The following NUFIP2 variants were observed in gnomAD, a reference collection of about 807,000 sequenced individuals.
NUFIP2 encodes nuclear FMR1 interacting protein 2.
In NUFIP2, 6 loss-of-function variants were observed where a neutral mutation model predicts 56.9. The observed-to-expected ratio is 0.11, with a 90% CI of 0.06 to 0.21. NUFIP2 has a LOEUF of 0.21. Ranked by LOEUF, NUFIP2 falls within the 10% of genes least tolerant of loss-of-function variation. The pLI, the probability that NUFIP2 is intolerant of heterozygous loss-of-function variation, is 1.00. For missense variants in NUFIP2, 828 were observed against 826.8 expected (o/e 1.00, Z -0.02); for synonymous variants, 321 against 298.2 (o/e 1.08, Z -0.79).
Position 29,267,483 on chromosome 17 carries a change from T to C in NUFIP2, c.2035+15A>G. ...TACTTATTAGTGACATTTTAAGTAA[T>C]CTAATCATTCTTACCTTGCTTCTGC... On this transcript the variant is annotated intron_variant, in intron 3 of 3. Transcript: ENST00000225388. 6.9e-7 allele frequency: 1 copy of C among 1,441,182 alleles called. No individual in the cohort carries two copies. The highest frequency in any genetic ancestry group is 9.6e-7 in the Non-Finnish European group (1 of 1,038,338). The allele number at this position is 1,441,182 out of a possible 1,614,324, so 89.3% of individuals were successfully genotyped here.
In NUFIP2 at chr17:29,260,834, C is replaced by T. The variant is rs1334943990; in HGVS notation, c.*3705G>A. On this transcript the variant is annotated 3_prime_UTR_variant, in exon 4 of 4. Transcript: ENST00000225388. ...TAGGTAAGCAGATGATTAAGGAGGA[C>T]AACAAAATTCTAAAATGGAGAAACT... 3 of 151,702 alleles carry T rather than the reference C, an allele frequency of 2.0e-5. No homozygotes were observed. The highest frequency in any genetic ancestry group is 3.9e-4 in the East Asian group (2 of 5,186). The allele number at this position is 151,702 out of a possible 1,614,324, so 9.4% of individuals were successfully genotyped here.
chr17:29,292,820 C>T (rs577801879), intron 1 of NUFIP2, among the ~76,000 whole-genome samples: 1 of 148,978 alleles, frequency 6.7e-6, no homozygotes, highest in African/African-American at 2.4e-5. Flanking sequence ...CCCCGCCCCT[C>T]ACCCCAGGGA....
intron 1 of NUFIP2, among the ~76,000 whole-genome samples, chr17:29,292,670 G>A (rs1241714332): frequency 6.8e-6 from 1 of 147,106 alleles, no homozygotes; most frequent in East Asian, 2.0e-4. Context: ...TTCCCTCTCA[G>A]CTCCGCTTCG....
chr17:29,262,612 A>G lies in NUFIP2; in HGVS notation c.*1927T>C, dbSNP rs1011343292. 1 of 152,378 alleles carries G rather than the reference A, an allele frequency of 6.6e-6. No individual in the cohort carries two copies. Among genetic ancestry groups the G allele is most frequent in the Non-Finnish European group, 1.5e-5 (1 of 67,966 alleles). 9.4% of individuals were successfully genotyped at this position (152,378 alleles called of 1,614,324 possible). ...AAATGCAGGGCACATCTGTAAACAT[A>G]TTATACATTTGAAAATTACAATATC... On this transcript the variant is annotated 3_prime_UTR_variant, in exon 4 of 4. Coordinates refer to ENST00000225388, the MANE Select transcript of NUFIP2 (RefSeq NM_020772.3).
At chr17:29,293,730 T>A in intron 1 of NUFIP2, 53 bp downstream of exon 1, 218 of 1,011,282 alleles carry the variant, frequency 2.2e-4, no homozygotes, top group Non-Finnish European at 2.8e-4. Context: ...CACCCCCATC[T>A]CTCCTGTCCT....
At chr17:29,270,375 C>T (rs1041723440) in intron 2 of NUFIP2, among the ~76,000 whole-genome samples, 1 of 149,478 alleles carries the variant, frequency 6.7e-6, no homozygotes, top group Non-Finnish European at 1.5e-5. Context: ...ACAGAAATCA[C>T]ACTTATCACT....
At position 29,256,853 on chromosome 17, in the gene NUFIP2, C is replaced by A. The variant is rs553826638; in HGVS notation, c.*7686G>T. 6.6e-6 allele frequency: 1 copy of A among 152,276 alleles called. No individual in the cohort carries two copies. The highest frequency in any genetic ancestry group is 2.1e-4 in the South Asian group (1 of 4,828). The allele number at this position is 152,276 out of a possible 1,614,324, so 9.4% of individuals were successfully genotyped here. ...CAATTTTTTAAAAGATACACGTTATCTTTAAAACAACCAGTGCTTTGATCT... is the reference window on the plus strand; with the variant it reads ...CAATTTTTTAAAAGATACACGTTATATTTAAAACAACCAGTGCTTTGATCT... On this transcript the variant is annotated 3_prime_UTR_variant, in exon 4 of 4. Transcript: ENST00000225388.
Position 29,294,142 on chromosome 17 carries a change from T to C in NUFIP2, c.-83A>G. 2.0e-6 allele frequency: 3 copies of C among 1,479,324 alleles called. No homozygotes were observed. Among genetic ancestry groups the C allele is most frequent in the South Asian group, 2.7e-5 (2 of 74,762 alleles). 91.6% of individuals were successfully genotyped at this position (1,479,324 alleles called of 1,614,324 possible). A position where few individuals can be genotyped will look rare whatever the true frequency, so the allele number is the denominator to read the frequency against. ...AGACTGCTTCTCAGGGCTCACTCAG[T>C]ATATCTGAGCGCGTCTCGCCAGCGC... On this transcript the variant is annotated 5_prime_UTR_variant, in exon 1 of 4. It adds an upstream start codon to the 5' untranslated region. Coordinates refer to ENST00000225388, the MANE Select transcript of NUFIP2 (RefSeq NM_020772.3).
At chr17:29,281,707 A>C (rs1031858792) in intron 2 of NUFIP2, among the ~76,000 whole-genome samples, 3 of 149,878 alleles carry the variant, frequency 2.0e-5, no homozygotes, top group Admixed American at 6.6e-5. Context: ...AAAAAAAAAA[A>C]AACAGCTAAA....
chr17:29,292,894 GGCC>G lies in NUFIP2; in HGVS notation c.277+886_277+888del, dbSNP rs1236743375. Among the ~76,000 whole-genome samples, 19 of 143,602 alleles carry G rather than the reference GGCC, an allele frequency of 1.3e-4. No individual in the cohort carries two copies. In the East Asian group the frequency reaches 1.7e-3, roughly 13 times the overall value. 94.2% of individuals were successfully genotyped at this position (143,602 alleles called of 152,430 possible). A position where few individuals can be genotyped will look rare whatever the true frequency, so the allele number is the denominator to read the frequency against. On this transcript the variant is annotated intron_variant, in intron 1 of 3. Transcript: ENST00000225388. ...CCCGGCCGGCGACGGGGGGGGGGGC[GGCC>G]GCGGTGCGGGGGGCGCCGGCGCCCC...
Position 29,286,158 on chromosome 17 carries a change from T to A in NUFIP2, c.1836A>T (p.Leu612Phe). 1 of 1,614,088 alleles carries A rather than the reference T, an allele frequency of 6.2e-7. No individual in the cohort carries two copies. The highest frequency in any genetic ancestry group is 1.1e-5 in the South Asian group (1 of 91,084). ...TCTCGTAGTCCTTTGAGAGAAACAC[T>A]AAAGCACCTTGACTACTGGTGTCTG... ...QKADTSSQGALVFLSKDYEIE... is the reference protein window; with the variant it reads ...QKADTSSQGAFVFLSKDYEIE... The change falls in exon 2 of 4, where the codon TTA becomes TTT. Residue 612 changes from leucine (L) to phenylalanine (F), a missense_variant. Coordinates refer to ENST00000225388, the MANE Select transcript of NUFIP2 (RefSeq NM_020772.3).
In NUFIP2 at chr17:29,287,384, C is replaced by T. The variant is rs143075808; in HGVS notation, c.610G>A (p.Gly204Ser). 3,898 of 1,613,946 alleles carry T rather than the reference C, an allele frequency of 2.4e-3. 12 individuals carry two copies. Among genetic ancestry groups the T allele is most frequent in the Middle Eastern group, 9.6e-3 (58 of 6,062 alleles). Residue 204 changes from glycine (G) to serine (S), a missense_variant, in exon 2 of 4, where the codon GGT becomes AGT. Physicochemically the swap from Gly to Ser is moderately conservative, Grantham distance 56. Coordinates refer to ENST00000225388, the MANE Select transcript of NUFIP2 (RefSeq NM_020772.3). The stretch of plus-strand genomic sequence containing the variant: ...CTACCATCATTATCTGCTCCTTTAC[C>T]CATATAACCATTAGTAATATAACCA... ...NSGYITNGYMGKGADNDGSGS... is the reference protein window; with the variant it reads ...NSGYITNGYMSKGADNDGSGS...
chr17:29,264,143 A>G lies in NUFIP2; in HGVS notation c.*396T>C, dbSNP rs546479489. ...CAAGATACAGAGATCTTTTAAGTGGATTTGCCTTTCCAGTGGGTCATTTGT... is the reference window on the plus strand; with the variant it reads ...CAAGATACAGAGATCTTTTAAGTGGGTTTGCCTTTCCAGTGGGTCATTTGT... On this transcript the variant is annotated 3_prime_UTR_variant, in exon 4 of 4. Coordinates refer to ENST00000225388, the MANE Select transcript of NUFIP2 (RefSeq NM_020772.3). 6.5e-6 allele frequency: 1 copy of G among 152,752 alleles called. No individual in the cohort carries two copies. The highest frequency in any genetic ancestry group is 1.5e-5 in the Non-Finnish European group (1 of 68,104). 9.5% of individuals were successfully genotyped at this position (152,752 alleles called of 1,614,324 possible).
At chr17:29,273,641 TAA>T (rs1233341334) in intron 2 of NUFIP2, among the ~76,000 whole-genome samples, 1 of 152,162 alleles carries the variant, frequency 6.6e-6, no homozygotes, top group African/African-American at 2.4e-5. Context: ...AGAACGTAAG[TAA>T]AAGTTTTTGC....
At chr17:29,264,646 T>C in intron 3 of NUFIP2, 55 bp from the exon 4 acceptor site, 1 of 1,123,058 alleles carries the variant, frequency 8.9e-7, no homozygotes, top group Non-Finnish European at 1.3e-6. Context: ...AAAATGCCCG[T>C]ATTCCAATAA....
At position 29,258,744 on chromosome 17, in the gene NUFIP2, T is replaced by C. The variant is rs1209409941; in HGVS notation, c.*5795A>G. On this transcript the variant is annotated 3_prime_UTR_variant, in exon 4 of 4. Coordinates refer to ENST00000225388, the MANE Select transcript of NUFIP2 (RefSeq NM_020772.3). Reference sequence around the variant, plus strand: ...AAAAAGAATTTTATAATTCATTCACTCTTGTTAGTGGCTGTGCTACAGGAA... The same window carrying C: ...AAAAAGAATTTTATAATTCATTCACCCTTGTTAGTGGCTGTGCTACAGGAA... 6.6e-6 allele frequency: 1 copy of C among 152,182 alleles called. No homozygotes were observed. The highest frequency in any genetic ancestry group is 2.4e-5 in the African/African-American group (1 of 41,446). 9.4% of individuals were successfully genotyped at this position (152,182 alleles called of 1,614,324 possible).
Position 29,287,098 on chromosome 17 carries a change from A to G in NUFIP2, c.896T>C (p.Met299Thr), listed in dbSNP as rs149752773. 1.5e-5 allele frequency: 25 copies of G among 1,614,054 alleles called. No individual in the cohort carries two copies. The African/African-American group carries it at 2.1e-4, about 14-fold the overall frequency. ...TTTACTATCTGAGCTTTTCCGAAGC[A>G]TATCACCCACAGCAGGTTTTCCTCG... ...TSRGKPAVGD[M>T]LRKSSDSKPG... Residue 299 changes from methionine to threonine, a missense_variant, in exon 2 of 4, where the codon ATG becomes ACG. By Grantham distance (81) the Met-to-Thr change is moderately conservative (BLOSUM62 -1). Coordinates refer to ENST00000225388, the MANE Select transcript of NUFIP2 (RefSeq NM_020772.3).
intron 2 of NUFIP2, among the ~76,000 whole-genome samples, chr17:29,281,711 A>C: frequency 7.3e-6 from 1 of 137,696 alleles, no homozygotes. Context: ...AAAAAAAAAC[A>C]GCTAAAAGGA....
chr17:29,288,638 C>G (rs943814834), intron 1 of NUFIP2, among the ~76,000 whole-genome samples: 1 of 152,166 alleles, frequency 6.6e-6, no homozygotes, highest in African/African-American at 2.4e-5. Flanking sequence ...AACATACTTT[C>G]TTCATTTTAC....
Sources: allele counts gnomAD v4.1 joint callset (sites outside exome capture counted in the v4.1 genomes callset), GRCh38; gene constraint gnomAD v4.1.1; transcripts MANE v1.5; gene names NCBI Gene and HGNC (gene_info 2026-07-23, HGNC 2026-07-21).